The following DNAJC3 variants were observed in gnomAD, a reference collection of about 807,000 sequenced individuals.
The protein encoded by DNAJC3 is dnaJ homolog subfamily C member 3.
In DNAJC3, 38 loss-of-function variants were observed where a neutral mutation model predicts 68.6. The ratio of observed to expected loss-of-function variants is 0.55; its 90% confidence interval spans 0.43 to 0.73. The LOEUF is 0.73. Among genes scored for constraint, DNAJC3 ranks in the 30% least tolerant of loss-of-function variants. The probability of loss-of-function intolerance (pLI) is 0.00; values close to 1 mark genes in which losing one functional copy is unlikely to be tolerated. For synonymous variants in DNAJC3, 203 were observed against 204.0 expected, an observed-to-expected ratio of 1.00 and a Z score of 0.04; for missense variants, 526 against 591.9, an observed-to-expected ratio of 0.89 and a Z score of 1.16.
In DNAJC3 at chr13:95,760,064, C is replaced by CGG; in HGVS notation, c.573_574dup (p.Glu192GlyfsTer9). On this transcript the variant is annotated frameshift_variant, in exon 6 of 12. Coordinates refer to ENST00000602402, the MANE Select transcript of DNAJC3 (RefSeq NM_006260.5). LOFTEE classifies it high-confidence loss of function. The stretch of plus-strand genomic sequence containing the variant: ...GGTTTGTGTTTGGGATGCAGAACTA[C>CGG]GGGAACTTCGAGCTGAATGTTTTAT... The CGG allele has an allele frequency of 1.2e-6, 2 of 1,604,744 alleles. No homozygotes were observed. The highest frequency in any genetic ancestry group is 1.7e-6 in the Non-Finnish European group (2 of 1,175,030).
chr13:95,740,212 A>C (rs374531598), intron 4 of DNAJC3, among the ~76,000 whole-genome samples: 1 of 152,186 alleles, frequency 6.6e-6, no homozygotes, highest in African/African-American at 2.4e-5. Context: ...TGCTCTCTTC[A>C]AAGCTGTCAG....
chr13:95,766,647 T>C (rs1420074468), intron 9 of DNAJC3, among the ~76,000 whole-genome samples: 2 of 152,120 alleles, frequency 1.3e-5, no homozygotes, highest in East Asian at 3.8e-4. Context: ...GTGGAGAGTA[T>C]GGAATTTAGA....
At chr13:95,778,038 T>C (rs1446862899) in intron 9 of DNAJC3, among the ~76,000 whole-genome samples, 1 of 152,144 alleles carries the variant, frequency 6.6e-6, no homozygotes, top group Non-Finnish European at 1.5e-5. Flanking sequence ...TTAAACATGC[T>C]CTTGAGCATG....
intron 9 of DNAJC3, among the ~76,000 whole-genome samples, chr13:95,764,256 T>C (rs1401877446): frequency 6.6e-6 from 1 of 151,980 alleles, no homozygotes; most frequent in Non-Finnish European, 1.5e-5. Flanking sequence ...TCTCATGTTA[T>C]CCGGAAGTAA....
At chr13:95,756,124 A>G (rs1011136864) in intron 4 of DNAJC3, among the ~76,000 whole-genome samples, 4 of 152,232 alleles carry the variant, frequency 2.6e-5, no homozygotes, top group Admixed American at 2.6e-4. Flanking sequence ...AGAGGCAGTC[A>G]GTCTTTGATA....
At chr13:95,715,729 AC>A (rs373246259) in intron 2 of DNAJC3, among the ~76,000 whole-genome samples, 2 of 147,740 alleles carry the variant, frequency 1.4e-5, no homozygotes, top group Non-Finnish European at 3.0e-5. Context: ...CTGATGATCC[AC>A]CCCCCCTTGG....
At chr13:95,755,626 G>A (rs1315617303) in intron 4 of DNAJC3, among the ~76,000 whole-genome samples, 4 of 150,396 alleles carry the variant, frequency 2.7e-5, no homozygotes, top group South Asian at 4.2e-4. Flanking sequence ...GCATGGTGGC[G>A]GATGCCTGTA....
Position 95,785,759 on chromosome 13 carries a change from C to T in DNAJC3, c.1076-180C>T, listed in dbSNP as rs143530696. On this transcript the variant is annotated intron_variant, in intron 9 of 11. Transcript: ENST00000602402. ...GATCACAGGCATGAGCCCCTGTGCCCGGCCTCTTAAATATTCTTGATCAAA... is the reference window on the plus strand; with the variant it reads ...GATCACAGGCATGAGCCCCTGTGCCTGGCCTCTTAAATATTCTTGATCAAA... Among the ~76,000 whole-genome samples the T allele has an allele frequency of 3.0e-3, 456 of 151,902 alleles. 2 individuals are homozygous for T. Among genetic ancestry groups the T allele is most frequent in the South Asian group, 0.017 (83 of 4,794 alleles).
At chr13:95,735,119 T>C (rs1325189696) in intron 4 of DNAJC3, among the ~76,000 whole-genome samples, 2,407 of 150,642 alleles carry the variant, frequency 0.016, 59 homozygotes, top group African/African-American at 0.056. Context: ...TGATTTCCAA[T>C]TTCATCCATG....
intron 1 of DNAJC3, among the ~76,000 whole-genome samples, chr13:95,697,681 A>T (rs969881687): frequency 6.6e-6 from 1 of 151,424 alleles, no homozygotes; most frequent in African/African-American, 2.4e-5. Context: ...ACATAATCCC[A>T]TATTTTTCAA....
At chr13:95,713,338 A>G (rs758268429) in intron 2 of DNAJC3, among the ~76,000 whole-genome samples, 8 of 152,214 alleles carry the variant, frequency 5.3e-5, no homozygotes, top group Non-Finnish European at 1.2e-4. Context: ...GCCACTCACT[A>G]GATAACAAAT....
At chr13:95,685,262 A>G (rs1315562411) in intron 1 of DNAJC3, among the ~76,000 whole-genome samples, 2 of 152,242 alleles carry the variant, frequency 1.3e-5, no homozygotes, top group African/African-American at 4.8e-5. Flanking sequence ...GATGTGAGAC[A>G]TGGAGTCAAA....
intron 5 of DNAJC3, among the ~76,000 whole-genome samples, chr13:95,759,095 T>C (rs1187793158): frequency 6.6e-6 from 1 of 152,226 alleles, no homozygotes; most frequent in South Asian, 2.1e-4. Context: ...CTAAGAAATA[T>C]GCAAAGATAC....
intron 9 of DNAJC3, among the ~76,000 whole-genome samples, chr13:95,778,801 T>G (rs957798737): frequency 6.6e-6 from 1 of 152,254 alleles, no homozygotes; most frequent in Non-Finnish European, 1.5e-5. Context: ...TATTTTTTTG[T>G]GAAATTTTGT....
At chr13:95,715,406 T>TA (rs1395907337) in intron 2 of DNAJC3, among the ~76,000 whole-genome samples, 3 of 151,876 alleles carry the variant, frequency 2.0e-5, no homozygotes, top group Non-Finnish European at 4.4e-5. Context: ...GTCTCCAAAA[T>TA]AAAGTGTCAT....
intron 2 of DNAJC3, among the ~76,000 whole-genome samples, chr13:95,721,349 A>G (rs572872912): frequency 6.6e-5 from 10 of 152,286 alleles, no homozygotes; most frequent in Non-Finnish European, 1.5e-4. Context: ...CCTTTGGACT[A>G]TTGTGAATAA....
At chr13:95,740,745 G>GC (rs1882113445) in intron 4 of DNAJC3, among the ~76,000 whole-genome samples, 1 of 152,226 alleles carries the variant, frequency 6.6e-6, no homozygotes, top group Non-Finnish European at 1.5e-5. Context: ...CGGTACCTCA[G>GC]ATGGAAATGC....
At chr13:95,709,188 C>T (rs760326061) in intron 1 of DNAJC3, 39 bp from the exon 2 acceptor site, 19 of 1,372,254 alleles carry the variant, frequency 1.4e-5, no homozygotes, top group East Asian at 7.8e-5. Flanking sequence ...AATCTTAGTT[C>T]GTGGAAAGTT....
At chr13:95,789,299 C>T (rs542705924) in intron 11 of DNAJC3, among the ~76,000 whole-genome samples, 2 of 152,248 alleles carry the variant, frequency 1.3e-5, no homozygotes, top group African/African-American at 2.4e-5. Context: ...CTGATCCTCT[C>T]CCTCCTCCCA....
Sources: allele counts gnomAD v4.1 joint callset (sites outside exome capture counted in the v4.1 genomes callset), GRCh38; gene constraint gnomAD v4.1.1; transcripts MANE v1.5; gene names NCBI Gene and HGNC (gene_info 2026-07-23, HGNC 2026-07-21).